The following SLK variants were observed in gnomAD, a reference collection of about 807,000 sequenced individuals.
The protein encoded by SLK is STE20-like serine/threonine-protein kinase.
In SLK, 67 loss-of-function variants were observed where a neutral mutation model predicts 147.7. The observed-to-expected ratio is 0.45, with a 90% CI of 0.37 to 0.56. The LOEUF (loss-of-function observed/expected upper bound fraction) is 0.56, where lower values mean the gene tolerates loss of function less well. Ranked by LOEUF, SLK falls within the 20% of genes least tolerant of loss-of-function variation. The pLI, the probability that SLK is intolerant of heterozygous loss-of-function variation, is 0.00. For missense variants in SLK, 1,136 were observed against 1,438.8 expected, an observed-to-expected ratio of 0.79 and a Z score of 3.41; for synonymous variants, 441 against 475.0, an observed-to-expected ratio of 0.93 and a Z score of 0.93.
intron 4 of SLK, among the ~76,000 whole-genome samples, chr10:103,994,513 A>G (rs1457391651): frequency 2.6e-5 from 4 of 151,780 alleles, no homozygotes; most frequent in East Asian, 1.9e-4. Context: ...TCTTTTCTTT[A>G]TATTATGGCA....
chr10:104,019,036 C>G, intron 15 of SLK, 128 bp downstream of exon 15: 2 of 921,444 alleles, frequency 2.2e-6, no homozygotes, highest in Non-Finnish European at 3.2e-6. Context: ...CCTACAATTT[C>G]TTGGATGAAG....
At position 104,018,871 on chromosome 10, in the gene SLK, T is replaced by G; in HGVS notation, c.3095T>G (p.Phe1032Cys). ...AAACAGCAGCTTAAAGATCAGTATTTCATGCAAAGACATCAGCTACTTAAG... is the reference window on the plus strand; with the variant it reads ...AAACAGCAGCTTAAAGATCAGTATTGCATGCAAAGACATCAGCTACTTAAG... ...LLKQQLKDQY[F>C]MQRHQLLKRH... Residue 1032 changes from phenylalanine (F) to cysteine (C), a missense_variant, in exon 15 of 19, where the codon TTC (phenylalanine) becomes TGC (cysteine). Transcript: ENST00000369755. 1 of 1,609,014 alleles carries G rather than the reference T, an allele frequency of 6.2e-7. No homozygotes were observed. Among genetic ancestry groups the G allele is most frequent in the Non-Finnish European group, 8.5e-7 (1 of 1,178,610 alleles).
chr10:104,020,070 A>G (rs1486551974), intron 16 of SLK, 148 bp downstream of exon 16: 3 of 659,258 alleles, frequency 4.6e-6, no homozygotes, highest in Non-Finnish European at 7.8e-6. Context: ...GGGACTATAG[A>G]TACATGGCAT....
rs1254654426 is a variant in SLK, at chr10:104,002,661, A to G, written c.1483A>G (p.Ile495Val). The change falls in exon 9 of 19, where the codon ATT (isoleucine) becomes GTT (valine). Residue 495 changes from isoleucine (I) to valine (V), a missense_variant. Ile to Val is a conservative substitution (Grantham distance 29). Transcript: ENST00000369755. ...LIKSEEIKDT[I>V]LQTVDLVSQE... ...AAAATCTGAAGAAATTAAAGATACT[A>G]TTTTGCAAACAGTAGATTTAGTTTC... is the stretch of plus-strand genomic sequence containing the variant. The G allele has an allele frequency of 1.2e-6, 2 of 1,609,846 alleles. No homozygotes were observed. The highest frequency in any genetic ancestry group is 1.7e-6 in the Non-Finnish European group (2 of 1,178,576).
In SLK at chr10:104,002,191, G is replaced by A. The variant is rs201543977; in HGVS notation, c.1013G>A (p.Arg338His). ...ENSLPIPASK[R>H]ASSDLSIASS... The stretch of plus-strand genomic sequence containing the variant: ...TTTTAGCCAATACCTGCAAGTAAGC[G>A]TGCATCTTCTGACCTTAGTATCGCC... Residue 338 changes from arginine to histidine, a missense_variant, in exon 9 of 19, where the codon CGT becomes CAT. Transcript: ENST00000369755. 84 of 1,583,706 alleles carry A rather than the reference G, an allele frequency of 5.3e-5. No individual in the cohort carries two copies. Among genetic ancestry groups the A allele is most frequent in the Admixed American group, 2.4e-4 (13 of 53,408 alleles).
chr10:104,025,535 A>G (rs1844586233), intron 18 of SLK, 39 bp from the exon 19 acceptor site: 3 of 1,598,840 alleles, frequency 1.9e-6, no homozygotes, highest in Admixed American at 1.7e-5. Context: ...TATATATAAT[A>G]CCAGCACATA....
chr10:104,025,639 G>A lies in SLK; in HGVS notation c.3627G>A (p.Glu1209=), dbSNP rs1237755871. The part of the protein sequence containing the change: ...EQEVFFKMTG[E]SECLNPSTQS... ...AAGTATTCTTTAAAATGACTGGGGA[G>A]TCTGAATGCCTTAACCCATCAACAC... is the stretch of plus-strand genomic sequence containing the variant. Residue 1209 remains glutamate (E), a synonymous_variant, in exon 19 of 19, where the codon GAG becomes GAA. Transcript: ENST00000369755. 17 of 1,613,542 alleles carry A rather than the reference G, an allele frequency of 1.1e-5. No individual in the cohort carries two copies. The highest frequency in any genetic ancestry group is 1.4e-5 in the Non-Finnish European group (17 of 1,179,496).
chr10:103,979,226 A>G (rs966444154), intron 1 of SLK, among the ~76,000 whole-genome samples: 4 of 152,204 alleles, frequency 2.6e-5, no homozygotes, highest in Non-Finnish European at 4.4e-5. Context: ...CTTGTTGGCC[A>G]GGCTGGTCCC....
chr10:104,025,046 A>G (rs1844579831), intron 18 of SLK, among the ~76,000 whole-genome samples: 1 of 152,124 alleles, frequency 6.6e-6, no homozygotes, highest in African/African-American at 2.4e-5. Flanking sequence ...TGCCTCTTAC[A>G]TTTCTCAAGC....
intron 1 of SLK, chr10:103,974,456 A>G (rs566458315): frequency 6.4e-5 from 9 of 140,690 alleles, no homozygotes; most frequent in Admixed American, 4.3e-4. Context: ...CTAAAAATAC[A>G]AAAAAAAAAT....
chr10:104,011,779 C>A (rs894605715), intron 13 of SLK, among the ~76,000 whole-genome samples: 1 of 152,128 alleles, frequency 6.6e-6, no homozygotes, highest in African/African-American at 2.4e-5. Flanking sequence ...TCAGGATGGT[C>A]TCGATCTCTT....
intron 13 of SLK, among the ~76,000 whole-genome samples, chr10:104,012,252 T>C (rs1844410037): frequency 6.6e-6 from 1 of 152,152 alleles, no homozygotes; most frequent in Non-Finnish European, 1.5e-5. Flanking sequence ...AAAACTGCCA[T>C]TTACTTGTCA....
At chr10:104,006,097 TA>T (rs1844321941) in intron 11 of SLK, 62 bp downstream of exon 11, 1 of 1,491,120 alleles carries the variant, frequency 6.7e-7, no homozygotes, top group African/African-American at 1.4e-5. Context: ...TTTACTGCAT[TA>T]AAAACAGACA....
intron 1 of SLK, among the ~76,000 whole-genome samples, chr10:103,972,153 A>G (rs1843801037): frequency 6.6e-6 from 1 of 152,162 alleles, no homozygotes; most frequent in Non-Finnish European, 1.5e-5. Context: ...ATTGTATTCT[A>G]TTATATGATG....
In SLK at chr10:104,004,231, A is replaced by G. The variant is rs182117583; in HGVS notation, c.2349+704A>G. On this transcript the variant is annotated intron_variant, in intron 9 of 18. Transcript: ENST00000369755. ...AACCTAAGAAAACTGACATAGATGG[A>G]TCTCTAGGGCATGAGTGATTAGTCT... 2.0e-3 allele frequency among the ~76,000 whole-genome samples: 310 copies of G among 152,274 alleles called. 2 individuals are homozygous for G. The highest frequency in any genetic ancestry group is 6.3e-3 in the African/African-American group (263 of 41,558).
intron 9 of SLK, among the ~76,000 whole-genome samples, chr10:104,004,539 G>A (rs1479379848): frequency 1.3e-5 from 2 of 152,102 alleles, no homozygotes; most frequent in South Asian, 2.1e-4. Flanking sequence ...GGAATCCTGG[G>A]TAGGGTACCA....
At chr10:104,024,921 C>G (rs1437129568) in intron 18 of SLK, among the ~76,000 whole-genome samples, 1 of 152,184 alleles carries the variant, frequency 6.6e-6, no homozygotes, top group Non-Finnish European at 1.5e-5. Context: ...TTGGAGGGCT[C>G]TACCTCATGA....
rs115365423 is a variant in SLK, at chr10:103,986,602, C to T, written c.151-4073C>T. 3.4e-3 allele frequency among the ~76,000 whole-genome samples: 506 copies of T among 151,022 alleles called. 4 individuals carry two copies. The highest frequency in any genetic ancestry group is 0.012 in the African/African-American group (487 of 40,982). ...GTTCCTAACAGGCCGTGGACTGGTA[C>T]TGGTTTGTGGCCCTGTGGTTGGGGA... is the stretch of plus-strand genomic sequence containing the variant. On this transcript the variant is annotated intron_variant, in intron 1 of 18. Transcript: ENST00000369755.
intron 8 of SLK, among the ~76,000 whole-genome samples, chr10:104,001,784 G>A (rs1844251455): frequency 6.6e-6 from 1 of 152,134 alleles, no homozygotes; most frequent in African/African-American, 2.4e-5. Context: ...TTGGAGTGCA[G>A]TGGTCACTAC....
Sources: allele counts gnomAD v4.1 joint callset (sites outside exome capture counted in the v4.1 genomes callset), GRCh38; gene constraint gnomAD v4.1.1; transcripts MANE v1.5; gene names NCBI Gene and HGNC (gene_info 2026-07-23, HGNC 2026-07-21).